CD36: variants seen among roughly 807,000 people sequenced by gnomAD.
CD36 encodes the protein platelet glycoprotein 4.
CD36 carries 119 observed loss-of-function variants against 55.2 expected under a neutral mutation model. The ratio of observed to expected loss-of-function variants is 2.15; its 90% CI spans 1.86 to 2.51. The LOEUF is 2.51. CD36 is among the 30% of genes most tolerant of loss of function. The pLI is 0.00. For missense variants in CD36, 819 were observed against 555.5 expected (o/e 1.47, Z -4.77); for synonymous variants, 186 against 193.6 (o/e 0.96, Z 0.33).
intron 1 of CD36, among the ~76,000 whole-genome samples, chr7:80,617,732 A>C: frequency 1.3e-5 from 2 of 150,800 alleles, no homozygotes; most frequent in Admixed American, 1.3e-4. Context: ...GTCTCCAAAA[A>C]AAAAAAAAAA....
chr7:80,672,088 A>G, intron 11 of CD36, 48 bp downstream of exon 11: 1 of 1,378,574 alleles, frequency 7.3e-7, no homozygotes, highest in Non-Finnish European at 1.0e-6. Context: ...TTTTAAAAAT[A>G]CAATTGAAAT....
chr7:80,634,427 A>G (rs182091236), upstream of CD36, among the ~76,000 whole-genome samples: 75 of 152,234 alleles, frequency 4.9e-4, no homozygotes, highest in African/African-American at 1.8e-3. Context: ...CTACTATAAG[A>G]TATTCTTGTA....
At chr7:80,656,768 TG>T in intron 4 of CD36, 68 bp downstream of exon 4, 1 of 1,371,238 alleles carries the variant, frequency 7.3e-7, no homozygotes, top group Non-Finnish European at 1.0e-6. Flanking sequence ...GTCTTCTACT[TG>T]GCAAATGTCA....
intron 6 of CD36, 128 bp downstream of exon 6, chr7:80,663,297 T>A: frequency 1.2e-6 from 1 of 804,094 alleles, no homozygotes. Flanking sequence ...ATATCCTAAC[T>A]TTTTAAAAAG....
At chr7:80,616,353 G>C (rs1345052887) in intron 1 of CD36, among the ~76,000 whole-genome samples, 1 of 151,690 alleles carries the variant, frequency 6.6e-6, no homozygotes, top group Non-Finnish European at 1.5e-5. Context: ...TCTACTGAAT[G>C]TATATTGCTT....
chr7:80,611,596 G>A (rs1403213370), intron 1 of CD36, among the ~76,000 whole-genome samples: 1 of 152,188 alleles, frequency 6.6e-6, no homozygotes, highest in East Asian at 1.9e-4. Context: ...GAAAAGAGAG[G>A]AAAGTGTACC....
In CD36 at chr7:80,671,277, T is replaced by A. The variant is rs1797653078; in HGVS notation, c.1006+113T>A. 3 of 686,740 alleles carry A rather than the reference T, an allele frequency of 4.4e-6. No individual in the cohort carries two copies. In the African/African-American group the frequency reaches 5.4e-5, roughly 12 times the overall value. 42.5% of individuals were successfully genotyped at this position (686,740 alleles called of 1,614,324 possible). Reference sequence around the variant, plus strand: ...AAAATTTAAAATATATCATAATTTGTGATATTCTTTAAAATGAGAACTTTA... The same window carrying A: ...AAAATTTAAAATATATCATAATTTGAGATATTCTTTAAAATGAGAACTTTA... On this transcript the variant is annotated intron_variant, in intron 10 of 14. Transcript: ENST00000447544.
rs1797617872 is a variant in CD36, at chr7:80,671,028, G to A, written c.870G>A (p.Val290=). Residue 290 remains valine, a synonymous_variant, in exon 10 of 15, where the codon GTG becomes GTA. Coordinates refer to ENST00000447544, the MANE Select transcript of CD36 (RefSeq NM_001001548.3). The part of the protein sequence containing the change: ...ESDVNLKGIP[V]YRFVLPSKAF... ...ACGTTAATCTGAAAGGAATCCCTGT[G>A]TATAGATTTGTTCTTCCATCCAAGG... The A allele has an allele frequency of 4.3e-6, 7 of 1,613,250 alleles. No individual in the cohort carries two copies. In the East Asian group the frequency reaches 1.6e-4, roughly 36 times the overall value.
chr7:80,644,552 A>G (rs1795020225), intron 1 of CD36, among the ~76,000 whole-genome samples: 2 of 152,326 alleles, frequency 1.3e-5, no homozygotes, highest in South Asian at 2.1e-4. Flanking sequence ...ATTTATTCCT[A>G]CATTTTGGGG....
In CD36 at chr7:80,666,447, CTG is replaced by C; in HGVS notation, c.708_709del (p.Ser237LeufsTer10). 3 of 1,597,238 alleles carry C rather than the reference CTG, an allele frequency of 1.9e-6. No homozygotes were observed. The highest frequency in any genetic ancestry group is 3.3e-4 in the Middle Eastern group (2 of 6,016). On this transcript the variant is annotated frameshift_variant, in exon 8 of 15. Transcript: ENST00000447544. LOFTEE classifies it high-confidence loss of function. ...ATTGTCTTTTTCTATTCCTAGGAAT[CTG>C]TCCTATTGGGAAAGTCACTGCGACA... ...IIDTYKGKRN[L>X]SYWESHCDMI... is the part of the protein sequence containing the mutation.
In CD36 at chr7:80,676,670, A is replaced by T. The variant is rs868178715; in HGVS notation, c.*287A>T. 4.1e-4 allele frequency: 63 copies of T among 152,222 alleles called. 3 individuals are homozygous for T. Among genetic ancestry groups the T allele is most frequent in the Non-Finnish European group, 5.9e-5 (4 of 68,038 alleles). The allele number at this position is 152,222 out of a possible 1,614,324, so 9.4% of individuals were successfully genotyped here. A position where few individuals can be genotyped will look rare whatever the true frequency, so the allele number is the denominator to read the frequency against. On this transcript the variant is annotated 3_prime_UTR_variant, in exon 15 of 15. Coordinates refer to ENST00000447544, the MANE Select transcript of CD36 (RefSeq NM_001001548.3). ...CTATGAATACCTTCATACAGCAGGT[A>T]TAACTCTTTTCTTTATGGGCTTAAA... is the stretch of plus-strand genomic sequence containing the variant.
intron 12 of CD36, 52 bp downstream of exon 12, chr7:80,672,895 CTTCTTGTA>C (rs759991915): frequency 3.7e-4 from 426 of 1,166,190 alleles, no homozygotes; most frequent in Middle Eastern, 6.8e-4. Flanking sequence ...ATCGTAGTAT[CTTCTTGTA>C]AGAACATGAG....
chr7:80,605,367 C>T (rs1187058599), intron 1 of CD36, among the ~76,000 whole-genome samples: 2 of 152,042 alleles, frequency 1.3e-5, no homozygotes, highest in Middle Eastern at 6.3e-3. Flanking sequence ...TAGAATGAAA[C>T]TTTTGATGAA....
chr7:80,633,138 G>A (rs1425646619), intron 1 of CD36: 1 of 151,832 alleles, frequency 6.6e-6, no homozygotes, highest in Non-Finnish European at 1.5e-5. Flanking sequence ...GCTGATCATG[G>A]CATTTCCTTA....
At chr7:80,628,513 AAC>A (rs1440601858) in intron 1 of CD36, among the ~76,000 whole-genome samples, 3 of 152,056 alleles carry the variant, frequency 2.0e-5, no homozygotes. Flanking sequence ...ATATTGCAGA[AAC>A]ACTTTTTTTC....
chr7:80,609,757 G>T lies in CD36; in HGVS notation c.-184+7378G>T, dbSNP rs189107273. 5.0e-3 allele frequency among the ~76,000 whole-genome samples: 756 copies of T among 152,294 alleles called. 10 individuals carry two copies. In the Middle Eastern group the frequency reaches 0.071, roughly 14 times the overall value. On this transcript the variant is annotated intron_variant, in intron 1 of 13. Coordinates refer to the CD36 transcript ENST00000309881. ...AGAATAATTTCACACGTAATCTGAAGATTTCAACAACAAGAGCTTGATAGG... is the reference window on the plus strand; with the variant it reads ...AGAATAATTTCACACGTAATCTGAATATTTCAACAACAAGAGCTTGATAGG...
At chr7:80,616,645 A>C (rs140822709) in intron 1 of CD36, among the ~76,000 whole-genome samples, 1,656 of 152,262 alleles carry the variant, frequency 0.011, 31 homozygotes, top group African/African-American at 0.038. Context: ...CAAGTAACAA[A>C]GTCCAAAAGA....
intron 3 of CD36, among the ~76,000 whole-genome samples, chr7:80,650,077 A>C (rs1795482510): frequency 6.6e-6 from 1 of 152,090 alleles, no homozygotes; most frequent in African/African-American, 2.4e-5. Context: ...TTATCCGTGC[A>C]ATCTTTTACA....
rs766920034 is a variant in CD36 at position 80,669,986 on chromosome 7, G to GC, written c.784dup (p.Gln262ProfsTer9). On this transcript the variant is annotated frameshift_variant, in exon 9 of 15. Coordinates refer to ENST00000447544, the MANE Select transcript of CD36 (RefSeq NM_001001548.3). LOFTEE classifies it high-confidence loss of function. ...TCATTTCCACCTTTTGTTGAGAAAAGCCAGGTATTGCAGTTCTTTTCTTCT... is the reference window on the plus strand; with the variant it reads ...TCATTTCCACCTTTTGTTGAGAAAAGCCCAGGTATTGCAGTTCTTTTCTTCT... 15 of 1,612,512 alleles carry GC rather than the reference G, an allele frequency of 9.3e-6. No individual in the cohort carries two copies. The highest frequency in any genetic ancestry group is 1.6e-4 in the Middle Eastern group (1 of 6,062).
Sources: gnomAD v4.1 joint callset for allele counts (sites outside exome capture counted in the v4.1 genomes callset) on GRCh38, gnomAD v4.1.1 for gene constraint, MANE v1.5 for transcripts, NCBI Gene and HGNC (gene_info 2026-07-23, HGNC 2026-07-21) for gene names.